Variants in SCRN1 observed in about 807,000 individuals in gnomAD.
The protein encoded by SCRN1 is secernin 1.
In SCRN1, 19 loss-of-function variants were observed where a neutral mutation model predicts 43.3. The observed-to-expected ratio is 0.44, with a 90% CI of 0.31 to 0.64. The LOEUF (loss-of-function observed/expected upper bound fraction) is 0.64, where lower values mean the gene tolerates loss of function less well. Among genes scored for constraint, SCRN1 ranks in the 30% least tolerant of loss-of-function variants. SCRN1 has a pLI of 0.09. For synonymous variants in SCRN1, 183 were observed against 188.9 expected, an observed-to-expected ratio of 0.97 and a Z score of 0.26; for missense variants, 447 against 524.1, an observed-to-expected ratio of 0.85 and a Z score of 1.44.
chr7:29,966,550 T>A (rs184234963), intron 2 of SCRN1, among the ~76,000 whole-genome samples: 1 of 152,216 alleles, frequency 6.6e-6, no homozygotes, highest in African/African-American at 2.4e-5. Context: ...CAGAGTCCAC[T>A]CTGTTCCAGG....
chr7:29,980,854 C>T (rs571283342), intron 1 of SCRN1, among the ~76,000 whole-genome samples: 247 of 151,888 alleles, frequency 1.6e-3, no homozygotes, highest in African/African-American at 5.7e-3. Context: ...CCTATATATG[C>T]GTGCATATAC....
intron 6 of SCRN1, among the ~76,000 whole-genome samples, chr7:29,928,628 C>A (rs1787053159): frequency 1.3e-5 from 2 of 152,120 alleles, no homozygotes; most frequent in Admixed American, 1.3e-4. Flanking sequence ...AAGCATAAGG[C>A]ATGCCAGGCT....
chr7:29,955,231 T>C lies in SCRN1; in HGVS notation c.289A>G (p.Thr97Ala). The C allele has an allele frequency of 1.2e-6, 2 of 1,614,182 alleles. No homozygotes were observed. The highest frequency in any genetic ancestry group is 1.7e-6 in the Non-Finnish European group (2 of 1,180,026). The change falls in exon 3 of 8, where the codon ACC (threonine) becomes GCC (alanine). Residue 97 changes from threonine to alanine, a missense_variant. By Grantham distance (58) the Thr-to-Ala change is moderately conservative. Coordinates refer to ENST00000242059, the MANE Select transcript of SCRN1 (RefSeq NM_014766.5). ...GVCIANEAIN[T>A]REPAAEIEAL... ...TCTATCTCGGCAGCTGGCTCTCTGG[T>C]GTTGATGGCTTCATTGGCTATGCAC...
intron 2 of SCRN1, among the ~76,000 whole-genome samples, chr7:29,964,242 C>T (rs1440266659): frequency 1.3e-5 from 2 of 152,222 alleles, no homozygotes; most frequent in Admixed American, 1.3e-4. Flanking sequence ...ATGTTCATAA[C>T]TGCCAAACTT....
chr7:29,945,306 A>C (rs939442875), intron 3 of SCRN1, among the ~76,000 whole-genome samples: 6 of 152,180 alleles, frequency 3.9e-5, no homozygotes, highest in Non-Finnish European at 5.9e-5. Context: ...GGAGGGACCC[A>C]AAAGGAGGTA....
At chr7:29,937,506 AC>A (rs1787380939) in intron 5 of SCRN1, among the ~76,000 whole-genome samples, 1 of 152,184 alleles carries the variant, frequency 6.6e-6, no homozygotes. Context: ...ATTTAGCTGT[AC>A]CTCAACCAGT....
chr7:29,952,180 G>C (rs1038145652), intron 3 of SCRN1, among the ~76,000 whole-genome samples: 1 of 152,222 alleles, frequency 6.6e-6, no homozygotes, highest in African/African-American at 2.4e-5. Flanking sequence ...ATCAGCACCA[G>C]CTGGAGAACT....
chr7:29,985,892 A>G (rs1789134532), intron 1 of SCRN1, among the ~76,000 whole-genome samples: 1 of 152,228 alleles, frequency 6.6e-6, no homozygotes, highest in Admixed American at 6.5e-5. Context: ...TTCTACAAAC[A>G]GCATTATGAG....
intron 1 of SCRN1, among the ~76,000 whole-genome samples, chr7:29,980,062 G>A (rs1161280499): frequency 6.6e-6 from 1 of 152,170 alleles, no homozygotes; most frequent in Admixed American, 6.5e-5. Context: ...TCCAGGTGAT[G>A]CTCCTCTACT....
At position 29,965,001 on chromosome 7, in the gene SCRN1, G is replaced by A. The variant is rs753287978; in HGVS notation, c.159+3908C>T. ...TCAATATTGGCTCATCAGTTGTAGC[G>A]AATGTACCACATTGATGCCAGACGT... On this transcript the variant is annotated intron_variant, in intron 2 of 7. Coordinates refer to ENST00000242059, the MANE Select transcript of SCRN1 (RefSeq NM_014766.5). The surrounding 1 kb of genome is among the most constrained non-coding windows in gnomAD (Gnocchi z 4.2). 2.0e-5 allele frequency among the ~76,000 whole-genome samples: 3 copies of A among 152,022 alleles called. No homozygotes were observed. The highest frequency in any genetic ancestry group is 7.2e-5 in the African/African-American group (3 of 41,392).
intron 3 of SCRN1, chr7:29,947,107 A>G (rs1787760303): frequency 1.4e-6 from 2 of 1,445,310 alleles, no homozygotes; most frequent in African/African-American, 1.4e-5. Context: ...AAGAAACTCA[A>G]TGGGCCAAGG....
At chr7:29,947,289 C>T (rs995020810) in intron 3 of SCRN1, 1 of 1,550,706 alleles carries the variant, frequency 6.4e-7, no homozygotes, top group African/African-American at 1.4e-5. Context: ...ATGTCAAGCT[C>T]ACCCTGCCCG....
rs374828643 is a variant in SCRN1, at chr7:29,922,874, G to A, written c.*1083C>T. ...TGGTCTTCCTTGCATGCTTTTCTAT[G>A]CTCTGGTGGTAAGTCAAATCCTTTA... On this transcript the variant is annotated 3_prime_UTR_variant, in exon 8 of 8. Transcript: ENST00000242059. The A allele has an allele frequency of 6.6e-6, 1 of 152,222 alleles. No homozygotes were observed. Among genetic ancestry groups the A allele is most frequent in the Non-Finnish European group, 1.5e-5 (1 of 68,062 alleles). The allele number at this position is 152,222 out of a possible 1,614,324, so 9.4% of individuals were successfully genotyped here.
chr7:29,925,188 T>C (rs1786900514), intron 7 of SCRN1, among the ~76,000 whole-genome samples: 1 of 152,132 alleles, frequency 6.6e-6, no homozygotes, highest in African/African-American at 2.4e-5. Flanking sequence ...CCAGCCTTTT[T>C]AGGCTGGCAG....
chr7:29,921,471 G>A lies in SCRN1; in HGVS notation c.*2486C>T, dbSNP rs1031576997. 10 of 152,028 alleles carry A rather than the reference G, an allele frequency of 6.6e-5. No homozygotes were observed. The highest frequency in any genetic ancestry group is 1.9e-4 in the East Asian group (1 of 5,184). The allele number at this position is 152,028 out of a possible 1,614,324, so 9.4% of individuals were successfully genotyped here. ...GTACATAAAGTCACTAAAAGTAAGC[G>A]CAGCCACATCAGCAGATTCTCTGCT... On this transcript the variant is annotated 3_prime_UTR_variant, in exon 8 of 8. Coordinates refer to ENST00000242059, the MANE Select transcript of SCRN1 (RefSeq NM_014766.5).
chr7:29,973,777 C>T (rs1788731513), intron 1 of SCRN1, among the ~76,000 whole-genome samples: 1 of 152,164 alleles, frequency 6.6e-6, no homozygotes, highest in Non-Finnish European at 1.5e-5. Flanking sequence ...TCATTTCTAT[C>T]TACGTATCCT....
chr7:29,928,375 T>C (rs1583648484), intron 6 of SCRN1, among the ~76,000 whole-genome samples: 1 of 152,286 alleles, frequency 6.6e-6, no homozygotes, highest in East Asian at 1.9e-4. Context: ...AGTACTCTCT[T>C]AGGTTAGCTT....
chr7:29,980,739 T>C (rs1280068359), intron 1 of SCRN1, among the ~76,000 whole-genome samples: 2 of 152,234 alleles, frequency 1.3e-5, no homozygotes. Context: ...GTCCATTAAT[T>C]CTAGAGCTAC....
chr7:29,932,650 T>A (rs1324201036), intron 6 of SCRN1, among the ~76,000 whole-genome samples: 1 of 17,112 alleles, frequency 5.8e-5, no homozygotes, highest in African/African-American at 2.6e-4. Flanking sequence ...AGATTCCATC[T>A]CAAAAAAAAA....
Sources: allele counts gnomAD v4.1 joint callset (sites outside exome capture counted in the v4.1 genomes callset), GRCh38; gene constraint gnomAD v4.1.1; non-coding constraint Gnocchi (gnomAD v3.1); transcripts MANE v1.5; gene names NCBI Gene and HGNC (gene_info 2026-07-23, HGNC 2026-07-21).